Variants in FLT1 observed in about 807,000 individuals in gnomAD.
FLT1 encodes fms related receptor tyrosine kinase 1, also known as vascular endothelial growth factor receptor 1.
FLT1 carries 49 observed loss-of-function variants against 156.3 expected under a neutral mutation model. The ratio of observed to expected loss-of-function variants is 0.31; its 90% CI spans 0.25 to 0.40. The LOEUF (loss-of-function observed/expected upper bound fraction) is 0.40, where lower values mean the gene tolerates loss of function less well. Ranked by LOEUF, FLT1 falls within the 10% of genes least tolerant of loss-of-function variation. The pLI is 1.00. For missense variants in FLT1, 1,322 were observed against 1,637.2 expected, an observed-to-expected ratio of 0.81 and a Z score of 3.32; for synonymous variants, 594 against 583.8, an observed-to-expected ratio of 1.02 and a Z score of -0.25.
intron 1 of FLT1, among the ~76,000 whole-genome samples, chr13:28,475,092 A>G (rs890747062): frequency 2.0e-5 from 3 of 152,224 alleles, no homozygotes; most frequent in African/African-American, 7.2e-5. Flanking sequence ...CTAATAGTAG[A>G]AGTTTACAAA....
intron 20 of FLT1, among the ~76,000 whole-genome samples, chr13:28,324,370 G>C (rs930404663): frequency 6.6e-6 from 1 of 152,154 alleles, no homozygotes; most frequent in African/African-American, 2.4e-5. Flanking sequence ...ATGTCACAAA[G>C]CAAGAGTGAT....
intron 13 of FLT1, chr13:28,385,614 C>T: frequency 2.0e-6 from 2 of 1,015,234 alleles, no homozygotes; most frequent in Non-Finnish European, 2.4e-6. Flanking sequence ...TGCAAGCAAC[C>T]AAAGAATTAA....
intron 7 of FLT1, 66 bp downstream of exon 7, chr13:28,431,070 G>T: frequency 7.2e-7 from 1 of 1,383,748 alleles, no homozygotes; most frequent in Non-Finnish European, 1.0e-6. Flanking sequence ...GACTTATTTA[G>T]AGAACACAGA....
At chr13:28,325,875 GA>G (rs1229285288) in intron 20 of FLT1, among the ~76,000 whole-genome samples, 4 of 151,644 alleles carry the variant, frequency 2.6e-5, no homozygotes, top group African/African-American at 4.9e-5. Context: ...TAAACCTGGG[GA>G]AAATGATGTT....
chr13:28,306,032 C>T lies in FLT1; in HGVS notation c.3815+646G>A, dbSNP rs1053090132. Among the ~76,000 whole-genome samples the T allele has an allele frequency of 3.3e-5, 5 of 152,178 alleles. No individual in the cohort carries two copies. The East Asian group carries it at 5.8e-4, about 18-fold the overall frequency. On this transcript the variant is annotated intron_variant, in intron 29 of 29. Coordinates refer to ENST00000282397, the MANE Select transcript of FLT1 (RefSeq NM_002019.4). ...TTGAATGAGGAAAGGAAGGAACATC[C>T]GACAGGTGCAGCTTTTCCCAGTCCA...
chr13:28,483,379 C>T (rs74043727), intron 1 of FLT1, among the ~76,000 whole-genome samples: 2,277 of 152,222 alleles, frequency 0.015, 70 homozygotes, highest in African/African-American at 0.052. Flanking sequence ...TGGATTTTTA[C>T]ATACATAGAC....
intron 29 of FLT1, 128 bp from the exon 30 acceptor site, chr13:28,303,496 C>A (rs867161777): frequency 3.6e-5 from 29 of 799,214 alleles, no homozygotes; most frequent in African/African-American, 2.7e-4. Context: ...TTTGGAACCC[C>A]CCCCCCCTCA....
intron 10 of FLT1, among the ~76,000 whole-genome samples, chr13:28,416,460 ATGT>A (rs1358208128): frequency 6.6e-6 from 1 of 152,200 alleles, no homozygotes; most frequent in African/African-American, 2.4e-5. Flanking sequence ...TGCCTGGTTG[ATGT>A]TGTGCTGGAA....
chr13:28,490,557 G>A (rs568072222), intron 1 of FLT1, among the ~76,000 whole-genome samples: 1 of 152,190 alleles, frequency 6.6e-6, no homozygotes, highest in Admixed American at 6.5e-5. Flanking sequence ...TCAGCAGCAT[G>A]CAATTTCCAC....
Position 28,447,066 on chromosome 13 carries a change from C to T in FLT1, c.389-8721G>A, listed in dbSNP as rs932581300. ...AACAAATGGTGCTGGAACAGCTCCA[C>T]ATGCAAAAGAATGGAGTTGTACTCT... is the stretch of plus-strand genomic sequence containing the variant. On this transcript the variant is annotated intron_variant, in intron 3 of 29. Coordinates refer to ENST00000282397, the MANE Select transcript of FLT1 (RefSeq NM_002019.4). 2.0e-5 allele frequency among the ~76,000 whole-genome samples: 3 copies of T among 151,716 alleles called. No homozygotes were observed. In the South Asian group the frequency reaches 6.2e-4, roughly 31 times the overall value.
intron 16 of FLT1, among the ~76,000 whole-genome samples, chr13:28,344,085 C>T (rs1872465011): frequency 6.6e-6 from 1 of 151,916 alleles, no homozygotes; most frequent in African/African-American, 2.4e-5. Flanking sequence ...CACTAGGTGC[C>T]CCACTCCCCC....
rs116827379 is a variant in FLT1, at chr13:28,304,126, C to T, written c.3816-758G>A. Among the ~76,000 whole-genome samples the T allele has an allele frequency of 7.6e-3, 1,158 of 152,254 alleles. 22 individuals are homozygous for T. Among genetic ancestry groups the T allele is most frequent in the African/African-American group, 0.026 (1,092 of 41,544 alleles). On this transcript the variant is annotated intron_variant, in intron 29 of 29. Transcript: ENST00000282397. Reference sequence around the variant, plus strand: ...CTTGTTTTAGACCGGTCTGGACTAACGTGTCCATGTTCTATATTTTCAGTC... The same window carrying T: ...CTTGTTTTAGACCGGTCTGGACTAATGTGTCCATGTTCTATATTTTCAGTC...
intron 29 of FLT1, 122 bp from the exon 30 acceptor site, chr13:28,303,490 G>T: frequency 4.4e-6 from 3 of 689,018 alleles, no homozygotes; most frequent in Non-Finnish European, 6.8e-6. Flanking sequence ...CATGGTTTTG[G>T]AACCCCCCCC....
chr13:28,422,195 T>C (rs1213619415), intron 10 of FLT1, among the ~76,000 whole-genome samples: 5 of 152,246 alleles, frequency 3.3e-5, no homozygotes, highest in Non-Finnish European at 7.3e-5. Flanking sequence ...CTTTGTAAGA[T>C]GTCAGCAATA....
chr13:28,382,628 G>A (rs1235337408), intron 14 of FLT1, among the ~76,000 whole-genome samples: 3 of 152,168 alleles, frequency 2.0e-5, no homozygotes, highest in African/African-American at 7.2e-5. Context: ...CAGAGGCTAG[G>A]TAATGAGTGT....
At chr13:28,405,043 A>T (rs1410226457) in intron 11 of FLT1, among the ~76,000 whole-genome samples, 2 of 151,688 alleles carry the variant, frequency 1.3e-5, no homozygotes, top group Non-Finnish European at 2.9e-5. Context: ...AAAAGAAAAG[A>T]AAAGAATCAC....
intron 3 of FLT1, among the ~76,000 whole-genome samples, chr13:28,461,487 T>C (rs1340851111): frequency 6.6e-6 from 1 of 152,182 alleles, no homozygotes; most frequent in African/African-American, 2.4e-5. Flanking sequence ...ACCAACTCCC[T>C]TTCTCTCAGA....
chr13:28,475,979 CGTATGAACTGAAA>C (rs1382459317), intron 1 of FLT1, among the ~76,000 whole-genome samples: 2 of 152,072 alleles, frequency 1.3e-5, no homozygotes, highest in African/African-American at 4.8e-5. Flanking sequence ...CATGGGGATT[CGTATGAACTGAAA>C]GCATATTTTT....
chr13:28,372,785 G>A (rs758390399), intron 14 of FLT1, among the ~76,000 whole-genome samples: 13 of 151,518 alleles, frequency 8.6e-5, no homozygotes, highest in Non-Finnish European at 1.8e-4. Flanking sequence ...GGAAGGCTGA[G>A]GCAGGAGAAT....
Sources: allele counts gnomAD v4.1 joint callset (sites outside exome capture counted in the v4.1 genomes callset), GRCh38; gene constraint gnomAD v4.1.1; transcripts MANE v1.5; gene names NCBI Gene and HGNC (gene_info 2026-07-23, HGNC 2026-07-21).